Variants in THAP5 observed in about 807,000 individuals in gnomAD.
THAP5 encodes THAP domain-containing protein 5.
THAP5 carries 26 observed loss-of-function variants against 34.0 expected under a neutral mutation model. The observed-to-expected ratio is 0.77, with a 90% CI of 0.56 to 1.06. The LOEUF (loss-of-function observed/expected upper bound fraction) is 1.06, where lower values mean the gene tolerates loss of function less well. THAP5 is among the 50% of genes least tolerant of loss of function. The pLI, the probability that THAP5 is intolerant of heterozygous loss-of-function variation, is 0.00. For missense variants in THAP5, 394 were observed against 452.8 expected, an observed-to-expected ratio of 0.87 and a Z score of 1.18; for synonymous variants, 125 against 153.0, an observed-to-expected ratio of 0.82 and a Z score of 1.35.
At chr7:108,568,569 T>A (rs1790537671) in intron 1 of THAP5, 1 of 154,686 alleles carries the variant, frequency 6.5e-6, no homozygotes, top group Non-Finnish European at 1.5e-5. Flanking sequence ...AATGAATAAG[T>A]CCTTCAGGTC....
chr7:108,559,783 G>T (rs962671456), downstream of THAP5, among the ~76,000 whole-genome samples: 1 of 152,010 alleles, frequency 6.6e-6, no homozygotes, highest in Admixed American at 6.6e-5. Flanking sequence ...AGAGTAGGTG[G>T]AAGAGCCCCT....
In THAP5 at chr7:108,564,104, T is replaced by G; in HGVS notation, c.*87A>C. 4 of 1,102,844 alleles carry G rather than the reference T, an allele frequency of 3.6e-6. No individual in the cohort carries two copies. The highest frequency in any genetic ancestry group is 5.2e-6 in the Non-Finnish European group (4 of 776,450). The allele number at this position is 1,102,844 out of a possible 1,614,324, so 68.3% of individuals were successfully genotyped here. A position where few individuals can be genotyped will look rare whatever the true frequency, so the allele number is the denominator to read the frequency against. On this transcript the variant is annotated 3_prime_UTR_variant, in exon 3 of 3. Transcript: ENST00000415914. ...TCATAGGTTCATTAAGATGAGAACT[T>G]TATACAGGAAACAGTTCACTTTACA...
downstream of THAP5, among the ~76,000 whole-genome samples, chr7:108,560,589 T>C (rs1166768991): frequency 1.3e-5 from 2 of 152,214 alleles, no homozygotes; most frequent in Non-Finnish European, 1.5e-5. Context: ...ATTCATAATG[T>C]AGAGAAACTT....
chr7:108,547,303 C>A, the THAP5 span, among the ~76,000 whole-genome samples: 1 of 152,118 alleles, frequency 6.6e-6, no homozygotes, highest in Non-Finnish European at 1.5e-5. Flanking sequence ...TTAGACTAAC[C>A]AAGGTAGCAA....
chr7:108,553,885 T>A (rs1297521908), downstream of THAP5, among the ~76,000 whole-genome samples: 1 of 152,168 alleles, frequency 6.6e-6, no homozygotes, highest in Non-Finnish European at 1.5e-5. Flanking sequence ...GAAATACTCA[T>A]GTGATTGATG....
At position 108,562,918 on chromosome 7, in the gene THAP5, C is replaced by T. The variant is rs952220262; in HGVS notation, c.*1273G>A. The stretch of plus-strand genomic sequence containing the variant: ...TGCTTATAAATTTTAATAAAATATA[C>T]GTAAGTGGGAATGTACAGTATTAAG... On this transcript the variant is annotated 3_prime_UTR_variant, in exon 3 of 3. Coordinates refer to ENST00000415914, the MANE Select transcript of THAP5 (RefSeq NM_001130475.3). The T allele has an allele frequency of 3.9e-5, 6 of 152,088 alleles. No individual in the cohort carries two copies. The highest frequency in any genetic ancestry group is 2.1e-4 in the South Asian group (1 of 4,794). The allele number at this position is 152,088 out of a possible 1,614,324, so 9.4% of individuals were successfully genotyped here. A position where few individuals can be genotyped will look rare whatever the true frequency, so the allele number is the denominator to read the frequency against.
chr7:108,567,713 A>G (rs564249294), intron 1 of THAP5, among the ~76,000 whole-genome samples: 1 of 152,324 alleles, frequency 6.6e-6, no homozygotes, highest in South Asian at 2.1e-4. Context: ...TTTAAACTAC[A>G]GTTTGCTGTA....
chr7:108,558,292 C>T (rs1864400389), downstream of THAP5, among the ~76,000 whole-genome samples: 1 of 150,410 alleles, frequency 6.6e-6, no homozygotes, highest in East Asian at 1.9e-4. Context: ...CTTGAAAAAT[C>T]CACTTTATTA....
chr7:108,547,451 GCTC>G, the THAP5 span, among the ~76,000 whole-genome samples: 1 of 152,140 alleles, frequency 6.6e-6, no homozygotes, highest in Admixed American at 6.6e-5. Context: ...TCTGAAATTA[GCTC>G]CTACTCCATT....
the THAP5 span, among the ~76,000 whole-genome samples, chr7:108,543,207 G>A: frequency 6.6e-6 from 1 of 152,270 alleles, no homozygotes; most frequent in South Asian, 2.1e-4. Flanking sequence ...GATTACCTGT[G>A]TGAGCCACTG....
chr7:108,548,184 C>T, the THAP5 span, among the ~76,000 whole-genome samples: 172 of 152,300 alleles, frequency 1.1e-3, no homozygotes, highest in African/African-American at 3.7e-3. Context: ...ACTCATGGAG[C>T]TGCAAATTGG....
chr7:108,569,641 C>T lies in THAP5; in HGVS notation c.-72G>A, dbSNP rs370434858. ...GCGGCCCTCCTCACTGAGGATGCGC[C>T]ACAGGTCCAGGCCTCTCGAGCCCCT... On this transcript the variant is annotated 5_prime_UTR_variant, in exon 1 of 3. Transcript: ENST00000415914. 132 of 1,534,364 alleles carry T rather than the reference C, an allele frequency of 8.6e-5. No homozygotes were observed. In the East Asian group the frequency reaches 1.3e-3, roughly 15 times the overall value.
Position 108,564,795 on chromosome 7 carries a change from G to A in THAP5, c.584C>T (p.Thr195Ile). 6.2e-7 allele frequency: 1 copy of A among 1,613,452 alleles called. No homozygotes were observed. The highest frequency in any genetic ancestry group is 8.5e-7 in the Non-Finnish European group (1 of 1,179,550). The change falls in exon 3 of 3, where the codon ACA becomes ATA. Residue 195 changes from threonine (T) to isoleucine (I), a missense_variant. By Grantham distance (89) the Thr-to-Ile change is moderately conservative. Transcript: ENST00000415914. ...NQDTGRGGFH[T>I]CFENLNSTTI... is the part of the protein sequence containing the mutation. ...TGTAGAATTTAGATTCTCAAAACATGTGTGAAAACCACCTCTACCTGTATC... is the reference window on the plus strand; with the variant it reads ...TGTAGAATTTAGATTCTCAAAACATATGTGAAAACCACCTCTACCTGTATC...
Position 108,567,548 on chromosome 7 carries a change from A to G in THAP5, c.81-1526T>C, listed in dbSNP as rs539092528. Among the ~76,000 whole-genome samples, 5 of 152,284 alleles carry G rather than the reference A, an allele frequency of 3.3e-5. No homozygotes were observed. The East Asian group carries it at 9.6e-4, about 29-fold the overall frequency. ...GCTTCAATAGGTAAATCTCTAAGAA[A>G]TCTTGATCATGTTTCCTGAATAAAT... On this transcript the variant is annotated intron_variant, in intron 1 of 2. Coordinates refer to ENST00000415914, the MANE Select transcript of THAP5 (RefSeq NM_001130475.3).
At chr7:108,559,248 G>T (rs189356454), downstream of THAP5, among the ~76,000 whole-genome samples, 4 of 152,244 alleles carry the variant, frequency 2.6e-5, no homozygotes, top group African/African-American at 9.6e-5. Flanking sequence ...GGGTATGGGA[G>T]CTAGACGGAG....
chr7:108,566,334 G>T (rs916877584), intron 1 of THAP5, among the ~76,000 whole-genome samples: 13 of 152,108 alleles, frequency 8.5e-5, no homozygotes, highest in African/African-American at 3.1e-4. Context: ...ATTTTCTATG[G>T]ATTATGTTCC....
downstream of THAP5, among the ~76,000 whole-genome samples, chr7:108,551,242 A>T (rs1463039571): frequency 1.3e-5 from 2 of 152,130 alleles, no homozygotes; most frequent in Admixed American, 6.5e-5. Flanking sequence ...CCCAAAATGC[A>T]TGTGTTGGAA....
At chr7:108,565,131 G>GA in intron 2 of THAP5, 26 bp from the exon 3 acceptor site, 1 of 1,455,706 alleles carries the variant, frequency 6.9e-7, no homozygotes, top group Non-Finnish European at 9.1e-7. Context: ...TTCATGTTCT[G>GA]AAAAAGATGA....
At chr7:108,550,735 T>C (rs1188943126), downstream of THAP5, among the ~76,000 whole-genome samples, 5 of 152,224 alleles carry the variant, frequency 3.3e-5, no homozygotes, top group Non-Finnish European at 5.9e-5. Flanking sequence ...TGTCTCTTTG[T>C]ATGTCCGAAT....
Sources: gnomAD v4.1 joint callset for allele counts (sites outside exome capture counted in the v4.1 genomes callset) on GRCh38, gnomAD v4.1.1 for gene constraint, MANE v1.5 for transcripts, NCBI Gene and HGNC (gene_info 2026-07-23, HGNC 2026-07-21) for gene names.